PRKG2: variants seen among roughly 807,000 people sequenced by gnomAD.
The protein encoded by PRKG2 is protein kinase cGMP-dependent 2.
A neutral mutation model predicts 97.2 loss-of-function variants in PRKG2; 33 were observed. The observed-to-expected ratio is 0.34, with a 90% CI of 0.26 to 0.45. PRKG2 has a LOEUF of 0.45. PRKG2 is among the 20% of genes least tolerant of loss of function. PRKG2 has a pLI of 1.00. For missense variants in PRKG2, 638 were observed against 900.0 expected, an observed-to-expected ratio of 0.71 and a Z score of 3.73; for synonymous variants, 330 against 321.8, an observed-to-expected ratio of 1.03 and a Z score of -0.27.
At chr4:81,119,012 C>T (rs952284215) in intron 14 of PRKG2, among the ~76,000 whole-genome samples, 2 of 152,074 alleles carry the variant, frequency 1.3e-5, no homozygotes, top group Non-Finnish European at 2.9e-5. Flanking sequence ...GGTCAGGCTG[C>T]TCTCAAACTC....
intron 14 of PRKG2, among the ~76,000 whole-genome samples, chr4:81,118,675 T>C (rs1744785980): frequency 6.6e-6 from 1 of 152,258 alleles, no homozygotes; most frequent in African/African-American, 2.4e-5. Context: ...GCATTTTATA[T>C]ATTTTTATAA....
intron 11 of PRKG2, 68 bp downstream of exon 11, chr4:81,142,726 T>C: frequency 7.0e-7 from 1 of 1,430,716 alleles, no homozygotes; most frequent in Non-Finnish European, 9.3e-7. Context: ...CTCCAAGATA[T>C]GCTGGAATAT....
chr4:81,183,711 C>T (rs1751625544), intron 2 of PRKG2, among the ~76,000 whole-genome samples: 1 of 152,112 alleles, frequency 6.6e-6, no homozygotes, highest in South Asian at 2.1e-4. Context: ...CGGATCCCAC[C>T]CCCACAGAGA....
rs368664749 is a variant in PRKG2 at position 81,104,390 on chromosome 4, T to C, written c.2106A>G (p.Ile702Met). 9 of 1,491,600 alleles carry C rather than the reference T, an allele frequency of 6.0e-6. No individual in the cohort carries two copies. The highest frequency in any genetic ancestry group is 8.0e-6 in the Non-Finnish European group (9 of 1,118,344). The allele number at this position is 1,491,600 out of a possible 1,614,324, so 92.4% of individuals were successfully genotyped here. ...TGTACCTGTGTTTCTTAATGTCATTTATTCCATTCTTCAGATTTCCCAGCC... is the reference window on the plus strand; with the variant it reads ...TGTACCTGTGTTTCTTAATGTCATTCATTCCATTCTTCAGATTTCCCAGCC... ...TERLGNLKNG[I>M]NDIKKHRWLN... is the part of the protein sequence containing the mutation. Residue 702 changes from isoleucine (I) to methionine (M), a missense_variant, in exon 17 of 19, where the codon ATA (isoleucine) becomes ATG (methionine). Around this residue, in one of 3 missense-constraint regions of PRKG2, gnomAD observed 304 missense variants for 460.5 expected, o/e 0.66. Transcript: ENST00000264399.
chr4:81,183,048 A>G (rs547984733), intron 2 of PRKG2, among the ~76,000 whole-genome samples: 12 of 151,678 alleles, frequency 7.9e-5, no homozygotes, highest in Non-Finnish European at 1.8e-4. Context: ...TTATAGTCAT[A>G]AAAAGGCCCA....
chr4:81,151,178 A>T (rs544089837), intron 8 of PRKG2, among the ~76,000 whole-genome samples: 5 of 152,274 alleles, frequency 3.3e-5, no homozygotes, highest in Admixed American at 2.6e-4. Flanking sequence ...AAAAGCATAC[A>T]GTTGAAACAA....
intron 2 of PRKG2, among the ~76,000 whole-genome samples, chr4:81,187,533 A>G (rs1391774473): frequency 6.6e-6 from 1 of 152,186 alleles, no homozygotes; most frequent in African/African-American, 2.4e-5. Context: ...AAAATCTGGA[A>G]GCATTCCCTT....
At chr4:81,099,873 T>C (rs886440367) in intron 17 of PRKG2, among the ~76,000 whole-genome samples, 1 of 152,152 alleles carries the variant, frequency 6.6e-6, no homozygotes, top group African/African-American at 2.4e-5. Context: ...AGTCTCAGGA[T>C]ACAAAATCAA....
chr4:81,131,034 GA>G (rs1173027556), intron 14 of PRKG2, among the ~76,000 whole-genome samples: 1 of 152,106 alleles, frequency 6.6e-6, no homozygotes, highest in Admixed American at 6.5e-5. Flanking sequence ...TGGGGTATGA[GA>G]AAAAAACTTC....
At chr4:81,148,835 G>C (rs752004278) in intron 9 of PRKG2, 49 bp downstream of exon 9, 5 of 1,524,592 alleles carry the variant, frequency 3.3e-6, no homozygotes, top group Non-Finnish European at 4.5e-6. Context: ...AGAAGGCCAA[G>C]TCTTCAAAGG....
At chr4:81,093,063 A>G (rs13125120) in intron 17 of PRKG2, among the ~76,000 whole-genome samples, 12,613 of 152,102 alleles carry the variant, frequency 0.083, 586 homozygotes, top group South Asian at 0.13. Flanking sequence ...AGTCTGTTCC[A>G]TGTCTTTGCT....
chr4:81,102,090 T>C (rs1742862538), intron 17 of PRKG2, among the ~76,000 whole-genome samples: 1 of 152,208 alleles, frequency 6.6e-6, no homozygotes. Flanking sequence ...TAATCAACTC[T>C]ATACTCTGCA....
chr4:81,145,535 C>A (rs1341591777), intron 9 of PRKG2, among the ~76,000 whole-genome samples: 1 of 152,120 alleles, frequency 6.6e-6, no homozygotes, highest in Non-Finnish European at 1.5e-5. Flanking sequence ...CTTCCTGGAT[C>A]ACAGGTTTCT....
chr4:81,189,948 A>G (rs1168781064), intron 2 of PRKG2, among the ~76,000 whole-genome samples: 1 of 152,142 alleles, frequency 6.6e-6, no homozygotes, highest in Non-Finnish European at 1.5e-5. Context: ...AAATGGAAAA[A>G]CATTCCATGC....
chr4:81,100,257 T>G (rs979875125), intron 17 of PRKG2, among the ~76,000 whole-genome samples: 13 of 152,080 alleles, frequency 8.5e-5, no homozygotes, highest in Non-Finnish European at 1.8e-4. Context: ...GATTGCCAAG[T>G]CAATCCTAAG....
At chr4:81,111,461 T>C (rs778311266) in intron 14 of PRKG2, among the ~76,000 whole-genome samples, 4 of 152,000 alleles carry the variant, frequency 2.6e-5, no homozygotes, top group Non-Finnish European at 5.9e-5. Flanking sequence ...TAATATTATA[T>C]CATGTAATAC....
Position 81,144,339 on chromosome 4 carries a change from A to G in PRKG2, c.1155-9T>C. ...CAGTTTGGTTGAATGTTCTAAATAG[A>G]TAGAATAAAGTAAAATGCTCCGTGC... On this transcript the variant is annotated splice_polypyrimidine_tract_variant and intron_variant, in intron 9 of 18. Coordinates refer to ENST00000264399, the MANE Select transcript of PRKG2 (RefSeq NM_006259.3). 6.3e-7 allele frequency: 1 copy of G among 1,592,090 alleles called. No individual in the cohort carries two copies. The highest frequency in any genetic ancestry group is 8.6e-7 in the Non-Finnish European group (1 of 1,160,892).
chr4:81,114,364 C>A (rs1343847632), intron 14 of PRKG2, among the ~76,000 whole-genome samples: 1 of 151,648 alleles, frequency 6.6e-6, no homozygotes, highest in Non-Finnish European at 1.5e-5. Context: ...TCATTAACGT[C>A]AGTTTTAGTA....
chr4:81,204,660 T>A lies in PRKG2; in HGVS notation c.388A>T (p.Thr130Ser), dbSNP rs1753533499. The A allele has an allele frequency of 3.1e-6, 5 of 1,614,082 alleles. No homozygotes were observed. Among genetic ancestry groups the A allele is most frequent in the Non-Finnish European group, 4.2e-6 (5 of 1,180,044 alleles). ...TTGTTCAGGTCATAGGTCCGGGTTG[T>A]TGGCTCAGCAGACACGCCAGCCTTT... ...GAKAGVSAEP[T>S]TRTYDLNKPP... is the part of the protein sequence containing the mutation. The change falls in exon 2 of 19, where the codon ACA becomes TCA. Residue 130 changes from threonine to serine, a missense_variant. Transcript: ENST00000264399.
Sources: allele counts gnomAD v4.1 joint callset (sites outside exome capture counted in the v4.1 genomes callset), GRCh38; gene constraint gnomAD v4.1.1; regional missense constraint gnomAD v4.1.1; transcripts MANE v1.5; gene names NCBI Gene and HGNC (gene_info 2026-07-23, HGNC 2026-07-21).